The following ROBO2 variants were observed in gnomAD, a reference collection of about 807,000 sequenced individuals.
ROBO2 encodes roundabout guidance receptor 2.
In ROBO2, 53 loss-of-function variants were observed where a neutral mutation model predicts 160.8. That is an observed-to-expected ratio of 0.33 (90% confidence interval 0.26 to 0.41). ROBO2 has a LOEUF of 0.41. Among genes scored for constraint, ROBO2 ranks in the 10% least tolerant of loss-of-function variants. ROBO2 has a pLI of 1.00. For synonymous variants in ROBO2, 664 were observed against 611.7 expected (o/e 1.09, Z -1.26); for missense variants, 1,577 against 1,722.4 (o/e 0.92, Z 1.49).
chr3:76,282,177 G>A (rs1182897678), intron 2 of ROBO2, among the ~76,000 whole-genome samples: 2 of 151,950 alleles, frequency 1.3e-5, no homozygotes, highest in Admixed American at 1.3e-4. Flanking sequence ...ACTATAGTTG[G>A]ATTTCCAACT....
chr3:75,994,725 G>A (rs1252792937), intron 2 of ROBO2, among the ~76,000 whole-genome samples: 1 of 152,220 alleles, frequency 6.6e-6, no homozygotes, highest in African/African-American at 2.4e-5. Flanking sequence ...ACCTGAAAAT[G>A]TGGAAGCAGC....
At chr3:76,356,595 C>T (rs563408611) in intron 2 of ROBO2, among the ~76,000 whole-genome samples, 10 of 151,540 alleles carry the variant, frequency 6.6e-5, no homozygotes, top group South Asian at 4.1e-4. Context: ...AAAAATATAA[C>T]GATGCTAAGC....
chr3:76,529,347 G>A (rs138659690), intron 2 of ROBO2, among the ~76,000 whole-genome samples: 6 of 152,098 alleles, frequency 3.9e-5, no homozygotes, highest in South Asian at 2.1e-4. Context: ...GGCCAGATTG[G>A]AGTATTTTTT....
chr3:76,689,355 C>T (rs186977312), intron 2 of ROBO2, among the ~76,000 whole-genome samples: 1 of 152,196 alleles, frequency 6.6e-6, no homozygotes, highest in East Asian at 1.9e-4. Context: ...GTTAAACAGA[C>T]AATTACAATA....
intron 2 of ROBO2, among the ~76,000 whole-genome samples, chr3:76,734,544 G>A (rs1281905171): frequency 6.6e-6 from 1 of 152,106 alleles, no homozygotes; most frequent in East Asian, 1.9e-4. Flanking sequence ...ACGACTTTCA[G>A]CAAATTGATT....
chr3:75,970,414 G>C (rs2064959814), intron 2 of ROBO2, among the ~76,000 whole-genome samples: 1 of 151,466 alleles, frequency 6.6e-6, no homozygotes, highest in Non-Finnish European at 1.5e-5. Context: ...TGGATACCCA[G>C]CATTTTCATG....
At chr3:76,610,997 G>A (rs1463752917) in intron 2 of ROBO2, among the ~76,000 whole-genome samples, 1 of 152,188 alleles carries the variant, frequency 6.6e-6, no homozygotes, top group Non-Finnish European at 1.5e-5. Context: ...ACCCGAGAGT[G>A]GGTAGCCCTT....
At chr3:76,624,564 C>T (rs141463749) in intron 2 of ROBO2, among the ~76,000 whole-genome samples, 3 of 151,782 alleles carry the variant, frequency 2.0e-5, no homozygotes, top group Admixed American at 1.3e-4. Flanking sequence ...TTTGGAAAGC[C>T]GAGGCGGGCG....
chr3:76,416,659 A>G (rs1559912331), intron 2 of ROBO2, among the ~76,000 whole-genome samples: 2 of 152,092 alleles, frequency 1.3e-5, no homozygotes. Context: ...TAATGTACCG[A>G]TTTATAGGAG....
chr3:76,048,439 C>A (rs1035231096), intron 2 of ROBO2, among the ~76,000 whole-genome samples: 1 of 152,066 alleles, frequency 6.6e-6, no homozygotes, highest in African/African-American at 2.4e-5. Flanking sequence ...GAGTAGGAAA[C>A]AGATAGTGAT....
chr3:76,498,556 A>T (rs1503125), intron 2 of ROBO2, among the ~76,000 whole-genome samples: 7 of 151,508 alleles, frequency 4.6e-5, no homozygotes, highest in African/African-American at 1.7e-4. Flanking sequence ...ATTCTGTTCT[A>T]TGCAAGAAAT....
chr3:76,919,778 C>G (rs2076548692), intron 2 of ROBO2, among the ~76,000 whole-genome samples: 1 of 152,142 alleles, frequency 6.6e-6, no homozygotes, highest in African/African-American at 2.4e-5. Context: ...AATCACTGAT[C>G]AAAACCAGAA....
At chr3:77,123,285 C>T (rs2074967427) in intron 2 of ROBO2, among the ~76,000 whole-genome samples, 2 of 152,014 alleles carry the variant, frequency 1.3e-5, no homozygotes, top group Admixed American at 6.6e-5. Flanking sequence ...GGAACCAGAC[C>T]TTATCACCCA....
At chr3:76,979,808 T>G (rs2060004979) in intron 2 of ROBO2, among the ~76,000 whole-genome samples, 1 of 152,092 alleles carries the variant, frequency 6.6e-6, no homozygotes, top group Non-Finnish European at 1.5e-5. Context: ...CATTTTGTAT[T>G]CTTTACTTGA....
chr3:76,784,779 T>C (rs1342159350), intron 2 of ROBO2, among the ~76,000 whole-genome samples: 1 of 151,188 alleles, frequency 6.6e-6, no homozygotes, highest in Non-Finnish European at 1.5e-5. Context: ...GTTTCTGTTA[T>C]TTTCTGACCT....
chr3:76,929,175 G>A (rs980128618), intron 2 of ROBO2, among the ~76,000 whole-genome samples: 1 of 152,126 alleles, frequency 6.6e-6, no homozygotes, highest in Non-Finnish European at 1.5e-5. Context: ...CAGGAGAATC[G>A]CTTGAACCTG....
chr3:77,176,170 G>A (rs753709369), intron 2 of ROBO2, among the ~76,000 whole-genome samples: 50 of 151,894 alleles, frequency 3.3e-4, no homozygotes, highest in Non-Finnish European at 6.3e-4. Flanking sequence ...GGAATTCTAA[G>A]AAGCAAGAGA....
intron 2 of ROBO2, among the ~76,000 whole-genome samples, chr3:76,845,697 T>C (rs968345102): frequency 1.3e-5 from 2 of 152,076 alleles, no homozygotes; most frequent in African/African-American, 2.4e-5. Flanking sequence ...CTTTCTTCAA[T>C]CATGCTTACA....
chr3:76,495,241 G>C (rs1175681644), intron 2 of ROBO2, among the ~76,000 whole-genome samples: 2 of 144,682 alleles, frequency 1.4e-5, no homozygotes, highest in Non-Finnish European at 3.0e-5. Context: ...TCTGATTCTG[G>C]AGTTTAAGAC....
Sources: gnomAD v4.1 joint callset for allele counts (sites outside exome capture counted in the v4.1 genomes callset) on GRCh38, gnomAD v4.1.1 for gene constraint, MANE v1.5 for transcripts, NCBI Gene and HGNC (gene_info 2026-07-23, HGNC 2026-07-21) for gene names.